Variants in MROH9 observed in about 807,000 individuals in gnomAD.
MROH9 encodes maestro heat-like repeat-containing protein family member 9.
Under a neutral mutation model 98.2 loss-of-function variants are expected in MROH9, and 92 were observed. The observed-to-expected ratio is 0.94, with a 90% CI of 0.79 to 1.11. The LOEUF (loss-of-function observed/expected upper bound fraction) is 1.11. Among genes scored for constraint, MROH9 ranks in the 50% most tolerant of loss-of-function variants. The probability of loss-of-function intolerance (pLI) is 0.00; values close to 1 mark genes in which losing one functional copy is unlikely to be tolerated. For synonymous variants in MROH9, 397 were observed against 368.9 expected, an observed-to-expected ratio of 1.08 and a Z score of -0.87; for missense variants, 1,057 against 1,014.8, an observed-to-expected ratio of 1.04 and a Z score of -0.57.
At chr1:171,024,816 C>A in intron 19 of MROH9, 51 bp downstream of exon 19, 1 of 1,089,342 alleles carries the variant, frequency 9.2e-7, no homozygotes, top group Non-Finnish European at 1.4e-6. Context: ...ACAAAACTTA[C>A]AGGATATCCA....
rs561437742 is a variant in MROH9, at chr1:170,983,517, G to A, written c.712G>A (p.Glu238Lys). The A allele has an allele frequency of 1.9e-5, 30 of 1,608,678 alleles. 1 individual carries two copies. Among genetic ancestry groups the A allele is most frequent in the African/African-American group, 1.2e-4 (9 of 74,774 alleles). The change falls in exon 9 of 22, where the codon GAA becomes AAA. Residue 238 changes from glutamate to lysine, a missense_variant. Physicochemically the swap from Glu to Lys is moderately conservative, Grantham distance 56. Transcript: ENST00000367759. ...TCTACCCAAGGAGTTTCAACAAGAC[G>A]AAAGTAAAATAGCTCAGGTAACTTA... is the stretch of plus-strand genomic sequence containing the variant. ...EFLPKEFQQD[E>K]SKIAQRVGQT... is the part of the protein sequence containing the mutation.
chr1:170,941,372 G>C (rs1330228477), intron 1 of MROH9, among the ~76,000 whole-genome samples: 1 of 152,018 alleles, frequency 6.6e-6, no homozygotes, highest in Non-Finnish European at 1.5e-5. Flanking sequence ...GCTTAAGCCT[G>C]GGAAATGACT....
At chr1:170,963,059 T>A (rs1650079023) in intron 6 of MROH9, among the ~76,000 whole-genome samples, 1 of 151,840 alleles carries the variant, frequency 6.6e-6, no homozygotes, top group African/African-American at 2.4e-5. Context: ...ACCTACAGAT[T>A]GGGAGAAAAT....
rs1411332112 is a variant in MROH9 at position 170,971,782 on chromosome 1, C to A, written c.515C>A (p.Ala172Glu). The change falls in exon 8 of 22, where the codon GCA (alanine) becomes GAA (glutamate). Residue 172 changes from alanine (A) to glutamate (E), a missense_variant. Coordinates refer to ENST00000367759, the MANE Select transcript of MROH9 (RefSeq NM_001163629.2). ...SVDAPCLGLL[A>E]AELSLLCSHE... is the part of the protein sequence containing the mutation. ...GATGCTCCATGTTTGGGTCTCCTGG[C>A]AGCAGAGCTGTCTCTTTTGTGTTCC... 2 of 1,614,054 alleles carry A rather than the reference C, an allele frequency of 1.2e-6. No individual in the cohort carries two copies. Among genetic ancestry groups the A allele is most frequent in the South Asian group, 1.1e-5 (1 of 91,080 alleles).
At chr1:171,025,780 C>CT (rs1460547762) in intron 20 of MROH9, among the ~76,000 whole-genome samples, 1 of 152,086 alleles carries the variant, frequency 6.6e-6, no homozygotes, top group African/African-American at 2.4e-5. Context: ...ACTTGGACAT[C>CT]TGTAACCACA....
rs931966834 is a variant in MROH9, at chr1:170,995,477, T to A, written c.1283T>A (p.Met428Lys). ...TTCCCCCAGCTCTTGACGACTCTTA[T>A]GTTCCAAGTCTTCTACAACAGTGAG... The part of the protein sequence containing the change: ...QYFPQLLTTL[M>K]FQVFYNSELK... The change falls in exon 13 of 22, where the codon ATG becomes AAG. Residue 428 changes from methionine (M) to lysine (K), a missense_variant. Physicochemically the swap from Met to Lys is moderately conservative, Grantham distance 95. Transcript: ENST00000367759. The A allele has an allele frequency of 6.2e-7, 1 of 1,613,426 alleles. No homozygotes were observed. The highest frequency in any genetic ancestry group is 8.5e-7 in the Non-Finnish European group (1 of 1,179,584).
intron 17 of MROH9, among the ~76,000 whole-genome samples, chr1:171,019,689 T>TAA (rs1652446848): frequency 6.8e-6 from 1 of 146,692 alleles, no homozygotes; most frequent in Non-Finnish European, 1.5e-5. Context: ...ATCAGCACCC[T>TAA]AACATCACAA....
At chr1:171,034,204 G>T (rs2101851629) in intron 20 of MROH9, among the ~76,000 whole-genome samples, 1 of 152,130 alleles carries the variant, frequency 6.6e-6, no homozygotes, top group Admixed American at 6.5e-5. Flanking sequence ...TGTGACTGAA[G>T]AATTTTATAT....
At chr1:171,000,477 T>C (rs896520051) in intron 15 of MROH9, among the ~76,000 whole-genome samples, 1 of 152,128 alleles carries the variant, frequency 6.6e-6, no homozygotes, top group Non-Finnish European at 1.5e-5. Flanking sequence ...GAATGCTTTT[T>C]CTGCATCTAT....
chr1:170,973,532 G>C (rs1194449635), intron 8 of MROH9, among the ~76,000 whole-genome samples: 1 of 151,770 alleles, frequency 6.6e-6, no homozygotes, highest in African/African-American at 2.4e-5. Flanking sequence ...AAAAAAAAAA[G>C]TTCCTGCACT....
At chr1:170,982,417 CAAG>C (rs1305922039) in intron 8 of MROH9, among the ~76,000 whole-genome samples, 1 of 152,042 alleles carries the variant, frequency 6.6e-6, no homozygotes, top group Non-Finnish European at 1.5e-5. Flanking sequence ...GAGCAGATGA[CAAG>C]AAGTGGATAA....
intron 8 of MROH9, among the ~76,000 whole-genome samples, chr1:170,981,595 C>G (rs1571472833): frequency 6.6e-6 from 1 of 152,098 alleles, no homozygotes. Flanking sequence ...ACAACACACA[C>G]CAGGGCTTGT....
chr1:171,004,281 C>T (rs1651876781), intron 15 of MROH9, among the ~76,000 whole-genome samples: 1 of 152,154 alleles, frequency 6.6e-6, no homozygotes, highest in Non-Finnish European at 1.5e-5. Flanking sequence ...TTGCCCCATT[C>T]AAATTGTTAT....
intron 1 of MROH9, among the ~76,000 whole-genome samples, chr1:170,945,151 C>T (rs1427073168): frequency 2.0e-5 from 3 of 151,700 alleles, no homozygotes; most frequent in East Asian, 1.9e-4. Flanking sequence ...TGTCCTCAGC[C>T]GCAGCCAGCA....
chr1:171,046,370 C>G (rs1310191538), intron 20 of MROH9, among the ~76,000 whole-genome samples: 1 of 152,106 alleles, frequency 6.6e-6, no homozygotes, highest in Non-Finnish European at 1.5e-5. Flanking sequence ...TTTCTTTCTT[C>G]TTTCTTTCCT....
intron 21 of MROH9, among the ~76,000 whole-genome samples, chr1:171,063,798 CT>C (rs1253395604): frequency 2.0e-5 from 3 of 152,118 alleles, no homozygotes; most frequent in African/African-American, 7.2e-5. Flanking sequence ...GAACCTCTTC[CT>C]AAATATATGA....
intron 8 of MROH9, 58 bp downstream of exon 8, chr1:170,971,941 A>G: frequency 6.4e-7 from 1 of 1,570,868 alleles, no homozygotes; most frequent in African/African-American, 1.3e-5. Context: ...CTCGTTATTC[A>G]ACTTATAGGT....
At position 171,030,955 on chromosome 1, in the gene MROH9, T is replaced by C. The variant is rs765156418; in HGVS notation, c.2281+5535T>C. ...ATTTCTTACAAACTTGTTTTATGAA[T>C]CTGGGTGTGCCTGTATTGAGTGCAC... On this transcript the variant is annotated intron_variant, in intron 20 of 21. Transcript: ENST00000367759. 5.9e-5 allele frequency among the ~76,000 whole-genome samples: 9 copies of C among 152,352 alleles called. No homozygotes were observed. The Middle Eastern group carries it at 0.01, about 173-fold the overall frequency.
intron 1 of MROH9, among the ~76,000 whole-genome samples, chr1:170,944,861 G>T (rs1246227901): frequency 6.6e-6 from 1 of 151,842 alleles, no homozygotes; most frequent in African/African-American, 2.4e-5. Context: ...AGGAAGGAAG[G>T]GTACGGGATG....
Sources: allele counts gnomAD v4.1 joint callset (sites outside exome capture counted in the v4.1 genomes callset), GRCh38; gene constraint gnomAD v4.1.1; transcripts MANE v1.5; gene names NCBI Gene and HGNC (gene_info 2026-07-23, HGNC 2026-07-21).